The following NHERF2 variants were observed in gnomAD, a reference collection of about 807,000 sequenced individuals.
NHERF2 encodes NHERF family PDZ scaffold protein 2.
At chr16:2,029,717 G>A in the NHERF2 span, 4 of 789,060 alleles carry the variant, frequency 5.1e-6, no homozygotes, top group Middle Eastern at 2.6e-4. Flanking sequence ...ACCCGCCCAC[G>A]ACCCCTGGGA....
chr16:2,036,989 C>G, the NHERF2 span: 1 of 1,550,960 alleles, frequency 6.4e-7, no homozygotes, highest in Non-Finnish European at 8.7e-7. Flanking sequence ...ATGGAACCAG[C>G]CCTGCCCAGG....
chr16:2,037,435 G>A, the NHERF2 span: 51 of 1,131,222 alleles, frequency 4.5e-5, no homozygotes, highest in Admixed American at 2.0e-4. Flanking sequence ...CCCCTGCCGA[G>A]TGGAGGAGCA....
At chr16:2,037,143 G>A in the NHERF2 span, 2 of 1,054,956 alleles carry the variant, frequency 1.9e-6, no homozygotes, top group Non-Finnish European at 2.8e-6. Flanking sequence ...TAATGCCCCT[G>A]TGGGTCTCAT....
chr16:2,035,383 C>T, the NHERF2 span: 56 of 985,756 alleles, frequency 5.7e-5, no homozygotes, highest in South Asian at 1.2e-3. Context: ...CTTGCCATGC[C>T]GCCCCAGCCC....
the NHERF2 span, chr16:2,027,169 G>A: frequency 6.8e-7 from 1 of 1,471,230 alleles, no homozygotes; most frequent in East Asian, 2.9e-5. Flanking sequence ...GCTGGGGACC[G>A]CCTGGTCGAG....
chr16:2,029,953 T>C, the NHERF2 span, among the ~76,000 whole-genome samples: 2 of 152,222 alleles, frequency 1.3e-5, no homozygotes, highest in Non-Finnish European at 2.9e-5. Flanking sequence ...GGCCACTGTT[T>C]CTACCCTCAG....
the NHERF2 span, chr16:2,032,821 C>T: frequency 1.0e-6 from 1 of 998,192 alleles, no homozygotes; most frequent in Middle Eastern, 5.1e-4. This position sits in a 1 kb window ranked among gnomAD's most constrained non-coding sequence, Gnocchi z 4.0. Flanking sequence ...CCAGCGGTGC[C>T]AGGCCCTGGA....
the NHERF2 span, chr16:2,029,478 C>A: frequency 1.8e-4 from 197 of 1,110,172 alleles, 1 homozygote; most frequent in Middle Eastern, 2.0e-3. Flanking sequence ...CCATGCAGAC[C>A]AGCCGCCTGT....
At chr16:2,037,073 C>T in the NHERF2 span, 1 of 1,503,738 alleles carries the variant, frequency 6.7e-7, no homozygotes, top group Non-Finnish European at 9.0e-7. Context: ...CCCCTTCTCC[C>T]TGGAGATCCG....
chr16:2,026,993 G>A, the NHERF2 span: 5 of 1,101,042 alleles, frequency 4.5e-6, no homozygotes, highest in Non-Finnish European at 5.5e-6. Flanking sequence ...GCGGCCGGTG[G>A]GCAGCGGGCG....
the NHERF2 span, chr16:2,032,792 CCAAA>C: frequency 1.6e-5 from 16 of 996,690 alleles, no homozygotes; most frequent in Admixed American, 1.1e-4. This position sits in a 1 kb window ranked among gnomAD's most constrained non-coding sequence, Gnocchi z 4.0. Context: ...GGGACAGCCC[CCAAA>C]CAGAGACGGG....
At chr16:2,034,914 A>G in the NHERF2 span, among the ~76,000 whole-genome samples, 12 of 152,298 alleles carry the variant, frequency 7.9e-5, no homozygotes, top group Non-Finnish European at 1.8e-4. Flanking sequence ...TTGAAGCCCC[A>G]CGCCTGTGCC....
At chr16:2,029,465 C>T in the NHERF2 span, 470 of 957,492 alleles carry the variant, frequency 4.9e-4, no homozygotes, top group Admixed American at 3.8e-3. Flanking sequence ...TGCAGCCACC[C>T]GCCCATGCAG....
chr16:2,030,620 T>C, the NHERF2 span, among the ~76,000 whole-genome samples: 2 of 114,924 alleles, frequency 1.7e-5, no homozygotes, highest in African/African-American at 6.8e-5. Context: ...TCTCCTACCT[T>C]TTTTTTTTTT....
chr16:2,037,116 G>A, the NHERF2 span: 19 of 1,241,222 alleles, frequency 1.5e-5, no homozygotes, highest in Non-Finnish European at 1.9e-5. Flanking sequence ...CCCGATTTTA[G>A]CCCTGTCACC....
the NHERF2 span, among the ~76,000 whole-genome samples, chr16:2,033,996 A>C: frequency 6.6e-6 from 1 of 152,202 alleles, no homozygotes; most frequent in Admixed American, 6.5e-5. Flanking sequence ...GCTTCTGGAC[A>C]GAGGCAGAGG....
the NHERF2 span, chr16:2,033,471 C>T: frequency 1.1e-5 from 17 of 1,496,436 alleles, no homozygotes; most frequent in East Asian, 2.5e-5. Context: ...TAGGAGGAAC[C>T]GGCAGCCGCT....
At chr16:2,029,130 G>A in the NHERF2 span, among the ~76,000 whole-genome samples, 1 of 152,352 alleles carries the variant, frequency 6.6e-6, no homozygotes, top group Admixed American at 6.5e-5. Flanking sequence ...TCAAACTGGG[G>A]CCCAGGGAGA....
At chr16:2,026,920 A>AAGCCACCGCCGG in the NHERF2 span, 1 of 428,204 alleles carries the variant, frequency 2.3e-6, no homozygotes, top group African/African-American at 2.2e-5. Flanking sequence ...GCCGCCGCTG[A>AAGCCACCGCCGG]AGCCACCGCC....
Sources: gnomAD v4.1 joint callset for allele counts (sites outside exome capture counted in the v4.1 genomes callset) on GRCh38, gnomAD v4.1.1 for gene constraint, Gnocchi (gnomAD v3.1) non-coding constraint, MANE v1.5 for transcripts, NCBI Gene and HGNC (gene_info 2026-07-23, HGNC 2026-07-21) for gene names.